GAS7: variants seen among roughly 807,000 people sequenced by gnomAD.
GAS7 encodes growth arrest-specific protein 7.
Under a neutral mutation model 71.1 loss-of-function variants are expected in GAS7, and 28 were observed. The ratio of observed to expected loss-of-function variants is 0.39; its 90% CI spans 0.29 to 0.54. The LOEUF is 0.54. Ranked by LOEUF, GAS7 falls within the 20% of genes least tolerant of loss-of-function variation. The pLI, the probability that GAS7 is intolerant of heterozygous loss-of-function variation, is 0.62. For missense variants in GAS7, 436 were observed against 627.8 expected (o/e 0.69, Z 3.27); for synonymous variants, 258 against 245.8 (o/e 1.05, Z -0.46).
chr17:10,197,115 C>T (rs1486219329), intron 1 of GAS7, among the ~76,000 whole-genome samples: 1 of 152,194 alleles, frequency 6.6e-6, no homozygotes, highest in Non-Finnish European at 1.5e-5. Flanking sequence ...AATGTTGCCA[C>T]AGGATACATC....
At chr17:10,068,854 C>T (rs1249143845) in intron 1 of GAS7, among the ~76,000 whole-genome samples, 1 of 152,010 alleles carries the variant, frequency 6.6e-6, no homozygotes, top group African/African-American at 2.4e-5. Context: ...CCTGAGAAAA[C>T]CAGGCGCAAG....
At chr17:9,993,761 G>C (rs1313966109) in intron 2 of GAS7, among the ~76,000 whole-genome samples, 1 of 150,932 alleles carries the variant, frequency 6.6e-6, no homozygotes, top group South Asian at 2.1e-4. Flanking sequence ...CAGACGACAT[G>C]ATTGTATATC....
At chr17:10,032,932 G>A (rs722833) in intron 1 of GAS7, among the ~76,000 whole-genome samples, 48,421 of 151,956 alleles carry the variant, frequency 0.32, 8,087 homozygotes, top group African/African-American at 0.42. Flanking sequence ...CCCAAATCAC[G>A]GTATGCGATA....
intron 2 of GAS7, among the ~76,000 whole-genome samples, chr17:10,005,200 T>C (rs961550889): frequency 2.0e-5 from 3 of 147,620 alleles, no homozygotes; most frequent in Middle Eastern, 3.2e-3. Context: ...CACGCATGCA[T>C]GTGTGTGCAT....
At chr17:10,150,291 C>CA (rs2074154388) in intron 1 of GAS7, among the ~76,000 whole-genome samples, 1 of 152,110 alleles carries the variant, frequency 6.6e-6, no homozygotes, top group South Asian at 2.1e-4. Context: ...CCTCAAACCC[C>CA]AGGCACTCTC....
At chr17:10,190,167 C>T (rs1360315636) in intron 1 of GAS7, among the ~76,000 whole-genome samples, 5 of 152,304 alleles carry the variant, frequency 3.3e-5, no homozygotes, top group African/African-American at 9.6e-5. Flanking sequence ...CTGCCTCTGG[C>T]GCACTACAGA....
chr17:9,950,291 T>A (rs141678588), intron 5 of GAS7, among the ~76,000 whole-genome samples: 4,645 of 152,088 alleles, frequency 0.031, 216 homozygotes, highest in African/African-American at 0.11. Context: ...GCAGATCACT[T>A]GAGCTCAGGA....
intron 9 of GAS7, among the ~76,000 whole-genome samples, chr17:9,929,652 T>C (rs548532799): frequency 1.3e-5 from 2 of 152,094 alleles, no homozygotes; most frequent in African/African-American, 2.4e-5. Flanking sequence ...TTTTTTTTTG[T>C]ATTTTTAGTA....
chr17:10,095,712 C>T (rs984499403), intron 1 of GAS7, among the ~76,000 whole-genome samples: 2 of 150,250 alleles, frequency 1.3e-5, no homozygotes, highest in African/African-American at 4.9e-5. Flanking sequence ...CCCAGCTACT[C>T]GGGAGGCTAA....
chr17:10,141,581 G>C (rs1309955748), intron 1 of GAS7, among the ~76,000 whole-genome samples: 1 of 152,148 alleles, frequency 6.6e-6, no homozygotes, highest in African/African-American at 2.4e-5. Flanking sequence ...CTCCAAAGAG[G>C]GAGGAGACGC....
intron 5 of GAS7, among the ~76,000 whole-genome samples, chr17:9,947,810 T>A (rs2068848844): frequency 2.3e-5 from 3 of 129,540 alleles, no homozygotes; most frequent in African/African-American, 9.1e-5. Flanking sequence ...TGCCAGGATA[T>A]ATGGTTAGGT....
In GAS7 at chr17:10,103,781, T is replaced by A. The variant is rs12946613; in HGVS notation, c.184-83884A>T. On this transcript the variant is annotated intron_variant, in intron 1 of 13. Transcript: ENST00000432992. The surrounding 1 kb of genome is among the most constrained non-coding windows in gnomAD (Gnocchi z 5.5). ...GCAGAGGTTGCAGTGAGCCAAGATCTCACCATTGCACTCCAGCCTGGGTGA... is the reference window on the plus strand; with the variant it reads ...GCAGAGGTTGCAGTGAGCCAAGATCACACCATTGCACTCCAGCCTGGGTGA... Among the ~76,000 whole-genome samples the A allele has an allele frequency of 1.3e-5, 2 of 148,280 alleles. No individual in the cohort carries two copies. Among genetic ancestry groups the A allele is most frequent in the Admixed American group, 6.8e-5 (1 of 14,786 alleles).
At chr17:10,169,757 C>T (rs140382898) in intron 1 of GAS7, among the ~76,000 whole-genome samples, 8 of 152,122 alleles carry the variant, frequency 5.3e-5, no homozygotes, top group South Asian at 2.1e-4. Context: ...TCCAGTACAG[C>T]GGCTTGAAGA....
chr17:10,056,416 G>A (rs1372051992), intron 1 of GAS7, among the ~76,000 whole-genome samples: 2 of 152,066 alleles, frequency 1.3e-5, no homozygotes, highest in African/African-American at 4.8e-5. Flanking sequence ...GATCGCTTGA[G>A]CCCAGAAATT....
At chr17:10,174,704 T>TA (rs201462953) in intron 1 of GAS7, among the ~76,000 whole-genome samples, 1,929 of 148,422 alleles carry the variant, frequency 0.013, 39 homozygotes, top group African/African-American at 0.042. Flanking sequence ...AAAAAATAAT[T>TA]AAAAAAAATA....
chr17:10,060,172 G>T (rs572617508), intron 1 of GAS7, among the ~76,000 whole-genome samples: 1 of 152,210 alleles, frequency 6.6e-6, no homozygotes, highest in African/African-American at 2.4e-5. Flanking sequence ...TTAAAGCGCC[G>T]AGGAGAAGCA....
chr17:10,081,134 A>C (rs999866523), intron 1 of GAS7, among the ~76,000 whole-genome samples: 4 of 152,224 alleles, frequency 2.6e-5, no homozygotes, highest in Non-Finnish European at 5.9e-5. Flanking sequence ...AAAAGTTAAG[A>C]CCATATATGA....
At position 9,969,184 on chromosome 17, in the gene GAS7, G is replaced by A. The variant is rs1394278242; in HGVS notation, c.471+493C>T. Among the ~76,000 whole-genome samples the A allele has an allele frequency of 1.3e-5, 2 of 152,164 alleles. No individual in the cohort carries two copies. Among genetic ancestry groups the A allele is most frequent in the South Asian group, 2.1e-4 (1 of 4,830 alleles). On this transcript the variant is annotated intron_variant, in intron 4 of 13. Coordinates refer to ENST00000432992, the MANE Select transcript of GAS7 (RefSeq NM_201433.2). The surrounding 1 kb of genome is among the most constrained non-coding windows in gnomAD (Gnocchi z 5.5). The stretch of plus-strand genomic sequence containing the variant: ...ATAAACATCAAGTAGGATGGAGACT[G>A]AGAAAACAGTTTGGAAATCGTACAA...
At chr17:10,152,676 C>G (rs2074175481) in intron 1 of GAS7, among the ~76,000 whole-genome samples, 1 of 152,176 alleles carries the variant, frequency 6.6e-6, no homozygotes, top group Non-Finnish European at 1.5e-5. Context: ...GAGACGCAGC[C>G]TTCAAGGCCT....
Sources: allele counts gnomAD v4.1 joint callset (sites outside exome capture counted in the v4.1 genomes callset), GRCh38; gene constraint gnomAD v4.1.1; non-coding constraint Gnocchi (gnomAD v3.1); transcripts MANE v1.5; gene names NCBI Gene and HGNC (gene_info 2026-07-23, HGNC 2026-07-21).